ZNF823: variants seen among roughly 807,000 people sequenced by gnomAD.
ZNF823 encodes the protein ZFP 36 for a zinc finger protein.
ZNF823 carries 5 observed loss-of-function variants against 11.4 expected under a neutral mutation model. The observed-to-expected ratio is 0.44, with a 90% CI of 0.23 to 0.92. ZNF823 has a LOEUF of 0.92. Ranked by LOEUF, ZNF823 falls within the 40% of genes least tolerant of loss-of-function variation. The pLI, the probability that ZNF823 is intolerant of heterozygous loss-of-function variation, is 0.24. For missense variants in ZNF823, 582 were observed against 738.5 expected, an observed-to-expected ratio of 0.79 and a Z score of 2.46; for synonymous variants, 234 against 250.5, an observed-to-expected ratio of 0.93 and a Z score of 0.62.
At chr19:11,735,989 C>T (rs1233650156) in intron 1 of ZNF823, among the ~76,000 whole-genome samples, 1 of 152,138 alleles carries the variant, frequency 6.6e-6, no homozygotes, top group Non-Finnish European at 1.5e-5. Flanking sequence ...CAGAATTTAG[C>T]ATTAGTCTGT....
At chr19:11,726,916 T>C (rs1974802335) in intron 1 of ZNF823, among the ~76,000 whole-genome samples, 1 of 152,176 alleles carries the variant, frequency 6.6e-6, no homozygotes, top group Non-Finnish European at 1.5e-5. Flanking sequence ...CCTATGCAAT[T>C]ACACTAAGAG....
Position 11,722,322 on chromosome 19 carries a change from T to C in ZNF823, c.1212A>G (p.Gln404=). Residue 404 remains glutamine (Q), a synonymous_variant, in exon 4 of 4, where the codon CAA becomes CAG. Coordinates refer to ENST00000341191, the MANE Select transcript of ZNF823 (RefSeq NM_001080493.4). This position sits in a 1 kb window ranked among gnomAD's most constrained non-coding sequence, Gnocchi z 5.2. ...CTCCAGTGTGAGTCCTTTCATGTCT[T>C]TGAAATAAACTGGGACAACCAAAGG... ...GKAFGCPSLF[Q]RHERTHTGEK... 1.2e-6 allele frequency: 2 copies of C among 1,614,208 alleles called. No individual in the cohort carries two copies. The highest frequency in any genetic ancestry group is 1.7e-6 in the Non-Finnish European group (2 of 1,180,042).
chr19:11,733,439 G>A (rs1024373149), intron 1 of ZNF823, among the ~76,000 whole-genome samples: 2 of 151,638 alleles, frequency 1.3e-5, no homozygotes, highest in African/African-American at 2.4e-5. Flanking sequence ...GGTGACTCAC[G>A]CTTGTATTCT....
intron 1 of ZNF823, among the ~76,000 whole-genome samples, chr19:11,732,375 C>T (rs1472743564): frequency 6.6e-6 from 1 of 152,060 alleles, no homozygotes; most frequent in Non-Finnish European, 1.5e-5. Context: ...CCGTGTTAGC[C>T]AGGATGGTCT....
chr19:11,724,853 C>A (rs1974762841), intron 2 of ZNF823, among the ~76,000 whole-genome samples: 1 of 152,106 alleles, frequency 6.6e-6, no homozygotes, highest in African/African-American at 2.4e-5. Context: ...AGTCACCGCA[C>A]CCGGCCAGTT....
Position 11,738,903 on chromosome 19 carries a change from G to A in ZNF823, c.-84C>T, listed in dbSNP as rs541956829. On this transcript the variant is annotated 5_prime_UTR_variant, in exon 1 of 4. Coordinates refer to ENST00000341191, the MANE Select transcript of ZNF823 (RefSeq NM_001080493.4). ...ACAGACGCTGATACAGACCTTCCAG[G>A]GCGTCTCTCTCTCAGCGCCAGAGCC... 4 of 1,523,678 alleles carry A rather than the reference G, an allele frequency of 2.6e-6. No individual in the cohort carries two copies. The highest frequency in any genetic ancestry group is 2.2e-5 in the Admixed American group (1 of 46,496). The allele number at this position is 1,523,678 out of a possible 1,614,324, so 94.4% of individuals were successfully genotyped here.
rs759643375 is a variant in ZNF823, at chr19:11,722,062, C to CT, written c.1471dup (p.Arg491LysfsTer10). 4.3e-6 allele frequency: 7 copies of CT among 1,612,434 alleles called. No individual in the cohort carries two copies. The highest frequency in any genetic ancestry group is 5.9e-6 in the Non-Finnish European group (7 of 1,179,652). On this transcript the variant is annotated frameshift_variant, in exon 4 of 4. Transcript: ENST00000341191. LOFTEE classifies it low-confidence loss of function (END_TRUNC). This position sits in a 1 kb window ranked among gnomAD's most constrained non-coding sequence, Gnocchi z 5.2. ...ATAAGGTTTTTCTACTGTGTGGGTC[C>CT]TTTTATGTTGAGAAAGGTATTTGAA...
chr19:11,725,262 T>C lies in ZNF823; in HGVS notation c.69A>G (p.Pro23=). Residue 23 remains proline (P), a synonymous_variant, in exon 2 of 4, where the codon CCA becomes CCG. Transcript: ENST00000341191. ...FTQEEWALLG[P]SQKSLYRNVM... is the part of the protein sequence containing the mutation. ...CATTTCTGTAGAGACTCTTCTGTGA[T>C]GGACCCAGCAAAGCCCACTCCTCTT... 2 of 1,614,128 alleles carry C rather than the reference T, an allele frequency of 1.2e-6. No homozygotes were observed. The highest frequency in any genetic ancestry group is 1.7e-6 in the Non-Finnish European group (2 of 1,180,004).
chr19:11,733,011 A>G lies in ZNF823; in HGVS notation c.3+5806T>C, dbSNP rs1046598741. ...TAAGGTCTGACAAGAGCTGGGAATA[A>G]CAAAACACATTCCCATCACTCGGAA... On this transcript the variant is annotated intron_variant, in intron 1 of 3. Transcript: ENST00000341191. Among the ~76,000 whole-genome samples the G allele has an allele frequency of 2.0e-5, 3 of 152,170 alleles. No individual in the cohort carries two copies. The South Asian group carries it at 6.2e-4, about 31-fold the overall frequency.
In ZNF823 at chr19:11,723,149, G is replaced by T. The variant is rs768677455; in HGVS notation, c.385C>A (p.Gln129Lys). 10 of 1,614,110 alleles carry T rather than the reference G, an allele frequency of 6.2e-6. No homozygotes were observed. The highest frequency in any genetic ancestry group is 6.8e-6 in the Non-Finnish European group (8 of 1,180,026). ...VDTGHKSCEHQEYGEKPYTHK... is the reference protein window; with the variant it reads ...VDTGHKSCEHKEYGEKPYTHK... ...GTATATGGCTTCTCTCCATATTCCT[G>T]ATGCTCACATGATTTGTGTCCAGTG... The change falls in exon 4 of 4, where the codon CAG (glutamine) becomes AAG (lysine). Residue 129 changes from glutamine to lysine, a missense_variant. Gln to Lys is a moderately conservative substitution (Grantham distance 53). Around this residue, in one of 3 missense-constraint regions of ZNF823, gnomAD observed 429 missense variants for 553.7 expected, o/e 0.77. Coordinates refer to ENST00000341191, the MANE Select transcript of ZNF823 (RefSeq NM_001080493.4).
Position 11,738,929 on chromosome 19 carries a change from A to G in ZNF823, c.-110T>C. The G allele has an allele frequency of 7.1e-7, 1 of 1,408,638 alleles. No homozygotes were observed. The allele number at this position is 1,408,638 out of a possible 1,614,324, so 87.3% of individuals were successfully genotyped here. On this transcript the variant is annotated 5_prime_UTR_variant, in exon 1 of 4. Coordinates refer to ENST00000341191, the MANE Select transcript of ZNF823 (RefSeq NM_001080493.4). The stretch of plus-strand genomic sequence containing the variant: ...GCGTCTCTCTCTCAGCGCCAGAGCC[A>G]GGACTCAGAGCGCAGGGGCGTGGAG...
intron 1 of ZNF823, among the ~76,000 whole-genome samples, chr19:11,733,718 A>G (rs889985594): frequency 3.3e-5 from 5 of 152,136 alleles, no homozygotes. Flanking sequence ...AAAGGACCAA[A>G]TATTTTTAAA....
Position 11,722,640 on chromosome 19 carries a change from G to A in ZNF823, c.894C>T (p.His298=). The change falls in exon 4 of 4, where the codon CAC becomes CAT. Residue 298 remains histidine, a synonymous_variant. Transcript: ENST00000341191. This position sits in a 1 kb window ranked among gnomAD's most constrained non-coding sequence, Gnocchi z 5.2. ...TACATGCATAGGGTTGTTCTCCCGTGTGAGTCCTTTCATGTAGTCGAGTGT... is the reference window on the plus strand; with the variant it reads ...TACATGCATAGGGTTGTTCTCCCGTATGAGTCCTTTCATGTAGTCGAGTGT... ...YYYTRLHERT[H]TGEQPYACKQ... 1 of 1,614,092 alleles carries A rather than the reference G, an allele frequency of 6.2e-7. No individual in the cohort carries two copies. Among genetic ancestry groups the A allele is most frequent in the African/African-American group, 1.3e-5 (1 of 75,030 alleles).
In ZNF823 at chr19:11,722,483, CATG is replaced by C; in HGVS notation, c.1048_1050del (p.His350del). On this transcript the variant is annotated inframe_deletion, in exon 4 of 4. Transcript: ENST00000341191. This position sits in a 1 kb window ranked among gnomAD's most constrained non-coding sequence, Gnocchi z 5.2. ...GGTTTCTCTCCAGTGTGAGTAGTTTCATGATTTCGAACTGAACTAGGACAATCA... is the reference window on the plus strand; with the variant it reads ...GGTTTCTCTCCAGTGTGAGTAGTTTCATTTCGAACTGAACTAGGACAATCA... 6.2e-7 allele frequency: 1 copy of C among 1,614,186 alleles called. No homozygotes were observed. The highest frequency in any genetic ancestry group is 8.5e-7 in the Non-Finnish European group (1 of 1,180,018).
chr19:11,734,091 C>T (rs934227604), intron 1 of ZNF823, among the ~76,000 whole-genome samples: 4 of 151,816 alleles, frequency 2.6e-5, no homozygotes, highest in East Asian at 1.9e-4. Context: ...AAAAATTAGC[C>T]GGGCCTAGTG....
intron 1 of ZNF823, among the ~76,000 whole-genome samples, chr19:11,727,518 A>G (rs1357865101): frequency 6.6e-6 from 1 of 152,106 alleles, no homozygotes; most frequent in African/African-American, 2.4e-5. Context: ...CAAAACAAAC[A>G]AACAAACAAA....
intron 1 of ZNF823, among the ~76,000 whole-genome samples, chr19:11,732,182 T>TTTTTTTTTTTA (rs1568469770): frequency 6.6e-6 from 1 of 150,512 alleles, no homozygotes; most frequent in Admixed American, 6.6e-5. Flanking sequence ...TTTTTTTTTT[T>TTTTTTTTTTTA]GAGATGGAGT....
chr19:11,727,017 T>C (rs1974803509), intron 1 of ZNF823, among the ~76,000 whole-genome samples: 1 of 152,102 alleles, frequency 6.6e-6, no homozygotes, highest in Non-Finnish European at 1.5e-5. Context: ...ACTATCTCAA[T>C]GGAAAAATTA....
intron 1 of ZNF823, among the ~76,000 whole-genome samples, chr19:11,731,890 T>A (rs1317317614): frequency 6.6e-6 from 1 of 151,116 alleles, no homozygotes; most frequent in Non-Finnish European, 1.5e-5. Flanking sequence ...ATGCCTGTAG[T>A]CCCAGCTACT....
Sources: gnomAD v4.1 joint callset for allele counts (sites outside exome capture counted in the v4.1 genomes callset) on GRCh38, gnomAD v4.1.1 for gene constraint, gnomAD v4.1.1 regional missense constraint, Gnocchi (gnomAD v3.1) non-coding constraint, MANE v1.5 for transcripts, NCBI Gene and HGNC (gene_info 2026-07-23, HGNC 2026-07-21) for gene names.